The following POC1A variants were observed in gnomAD, a reference collection of about 807,000 sequenced individuals.
The protein encoded by POC1A is POC1 centriolar protein homolog A.
POC1A carries 34 observed loss-of-function variants against 47.8 expected under a neutral mutation model. That is an observed-to-expected ratio of 0.71 (90% CI 0.54 to 0.95). The LOEUF (loss-of-function observed/expected upper bound fraction) is 0.95. POC1A is among the 40% of genes least tolerant of loss of function. The probability of loss-of-function intolerance (pLI) is 0.00; values close to 1 mark genes in which losing one functional copy is unlikely to be tolerated. For synonymous variants in POC1A, 177 were observed against 207.6 expected (o/e 0.85, Z 1.27); for missense variants, 466 against 528.3 (o/e 0.88, Z 1.16).
chr3:52,096,039 C>T (rs1702802968), intron 10 of POC1A, among the ~76,000 whole-genome samples: 1 of 152,262 alleles, frequency 6.6e-6, no homozygotes, highest in Non-Finnish European at 1.5e-5. Context: ...TTCCCAGATT[C>T]ATCTCCCTTA....
chr3:52,146,904 T>G, intron 5 of POC1A, 84 bp downstream of exon 5: 1 of 1,120,318 alleles, frequency 8.9e-7, no homozygotes. Flanking sequence ...CTCCAGCCAC[T>G]GAAGGCCACT....
Position 52,090,688 on chromosome 3 carries a change from C to G in POC1A, c.1125+5881G>C, listed in dbSNP as rs1003216183. Among the ~76,000 whole-genome samples the G allele has an allele frequency of 8.5e-5, 13 of 152,120 alleles. No homozygotes were observed. Among genetic ancestry groups the G allele is most frequent in the African/African-American group, 3.1e-4 (13 of 41,396 alleles). ...TTTTCCGGCATCTGTGAAAAAGACCCCTAGATCACCTGGCATCACCCCCAA... is the reference window on the plus strand; with the variant it reads ...TTTTCCGGCATCTGTGAAAAAGACCGCTAGATCACCTGGCATCACCCCCAA... On this transcript the variant is annotated intron_variant, in intron 10 of 10. Coordinates refer to ENST00000296484, the MANE Select transcript of POC1A (RefSeq NM_015426.5). The surrounding 1 kb of genome is among the most constrained non-coding windows in gnomAD (Gnocchi z 4.2).
At chr3:52,112,836 C>T (rs1356112930) in intron 9 of POC1A, among the ~76,000 whole-genome samples, 1 of 152,164 alleles carries the variant, frequency 6.6e-6, no homozygotes, top group Non-Finnish European at 1.5e-5. Context: ...CCCTTAATTC[C>T]CCTGCCCAGG....
intron 9 of POC1A, among the ~76,000 whole-genome samples, chr3:52,109,425 G>A (rs1703303258): frequency 6.6e-6 from 1 of 151,850 alleles, no homozygotes. Flanking sequence ...TCTATCTTTT[G>A]TGCTAGCTTG....
At chr3:52,076,117 T>C in intron 10 of POC1A, 132 bp from the exon 11 acceptor site, 1 of 672,948 alleles carries the variant, frequency 1.5e-6, no homozygotes. Context: ...CACCCAGGGG[T>C]TCTGCCAGGC....
chr3:52,095,259 C>G (rs1702772327), intron 10 of POC1A, among the ~76,000 whole-genome samples: 1 of 152,212 alleles, frequency 6.6e-6, no homozygotes. Flanking sequence ...TCAGCAAGGT[C>G]TGTACACTGG....
chr3:52,078,574 G>A (rs1026848974), intron 10 of POC1A, among the ~76,000 whole-genome samples: 4 of 144,512 alleles, frequency 2.8e-5, no homozygotes, highest in African/African-American at 5.2e-5. Context: ...GCAGTGGCGC[G>A]ATCTCGGCTC....
At chr3:52,096,869 C>T (rs753740060) in intron 9 of POC1A, among the ~76,000 whole-genome samples, 157 bp from the exon 10 acceptor site, 2 of 152,224 alleles carry the variant, frequency 1.3e-5, no homozygotes, top group Non-Finnish European at 2.9e-5. Flanking sequence ...GGCGGTGTTC[C>T]CACATCTGGG....
Position 52,092,258 on chromosome 3 carries a change from C to T in POC1A, c.1125+4311G>A, listed in dbSNP as rs569419583. On this transcript the variant is annotated intron_variant, in intron 10 of 10. Coordinates refer to ENST00000296484, the MANE Select transcript of POC1A (RefSeq NM_015426.5). ...GACCTAAGGGACTCGGCCTGCTGGG[C>T]TCTCTGATCACAGAGCCCTGGGCAA... 6.6e-5 allele frequency among the ~76,000 whole-genome samples: 10 copies of T among 152,324 alleles called. No homozygotes were observed. The East Asian group carries it at 1.7e-3, about 26-fold the overall frequency.
At chr3:52,117,722 T>C (rs1308618190) in intron 9 of POC1A, among the ~76,000 whole-genome samples, 1 of 152,036 alleles carries the variant, frequency 6.6e-6, no homozygotes, top group Non-Finnish European at 1.5e-5. Flanking sequence ...TTCACTGAAT[T>C]ACCTAGAACT....
chr3:52,146,581 C>T (rs1239649465), intron 5 of POC1A, among the ~76,000 whole-genome samples: 3 of 152,216 alleles, frequency 2.0e-5, no homozygotes, highest in African/African-American at 7.2e-5. Context: ...AAGAACCCAA[C>T]AAGAATTTTG....
At chr3:52,106,168 G>C (rs1382556262) in intron 9 of POC1A, among the ~76,000 whole-genome samples, 2 of 120,440 alleles carry the variant, frequency 1.7e-5, no homozygotes, top group Non-Finnish European at 3.2e-5. Context: ...GTGACAGAGA[G>C]AGACTACGTC....
intron 9 of POC1A, among the ~76,000 whole-genome samples, chr3:52,119,970 T>C (rs1577872343): frequency 6.6e-6 from 1 of 152,098 alleles, no homozygotes; most frequent in Non-Finnish European, 1.5e-5. Flanking sequence ...CTGGGCTCCC[T>C]ATGGGGTTGA....
intron 9 of POC1A, among the ~76,000 whole-genome samples, chr3:52,117,659 C>T (rs961102447): frequency 2.0e-5 from 3 of 152,044 alleles, no homozygotes; most frequent in African/African-American, 7.2e-5. Context: ...ATGTGTGAAC[C>T]GGACAGCAGC....
At chr3:52,119,753 G>A (rs1358673747) in intron 9 of POC1A, among the ~76,000 whole-genome samples, 1 of 152,136 alleles carries the variant, frequency 6.6e-6, no homozygotes, top group East Asian at 1.9e-4. Flanking sequence ...GATGCTACTG[G>A]CATCTAGTGA....
At chr3:52,136,679 C>T (rs1279867020) in intron 7 of POC1A, among the ~76,000 whole-genome samples, 2 of 152,198 alleles carry the variant, frequency 1.3e-5, no homozygotes, top group Admixed American at 1.3e-4. Context: ...GGCCTGGTTC[C>T]CATATCTCTA....
intron 4 of POC1A, among the ~76,000 whole-genome samples, chr3:52,148,799 C>G (rs946354488): frequency 6.6e-6 from 1 of 152,242 alleles, no homozygotes; most frequent in Non-Finnish European, 1.5e-5. Flanking sequence ...TACTACTGTT[C>G]TGAGCCCCCA....
At chr3:52,114,807 C>G (rs1703503949) in intron 9 of POC1A, among the ~76,000 whole-genome samples, 1 of 152,202 alleles carries the variant, frequency 6.6e-6, no homozygotes, top group Non-Finnish European at 1.5e-5. Flanking sequence ...TCCCATAAAG[C>G]CTGGCCCCGG....
chr3:52,138,617 G>C (rs1192280918), intron 6 of POC1A, among the ~76,000 whole-genome samples: 1 of 152,244 alleles, frequency 6.6e-6, no homozygotes, highest in African/African-American at 2.4e-5. Flanking sequence ...TCAAGCTGGA[G>C]CAGAATAGAG....
Sources: allele counts gnomAD v4.1 joint callset (sites outside exome capture counted in the v4.1 genomes callset), GRCh38; gene constraint gnomAD v4.1.1; non-coding constraint Gnocchi (gnomAD v3.1); transcripts MANE v1.5; gene names NCBI Gene and HGNC (gene_info 2026-07-23, HGNC 2026-07-21).